The following PPP1R37 variants were observed in gnomAD, a reference collection of about 807,000 sequenced individuals.
PPP1R37 encodes leucine rich repeat containing 68.
Under a neutral mutation model 61.0 loss-of-function variants are expected in PPP1R37, and 21 were observed. The ratio of observed to expected loss-of-function variants is 0.34; its 90% CI spans 0.24 to 0.50. PPP1R37 has a LOEUF of 0.50. Ranked by LOEUF, PPP1R37 falls within the 20% of genes least tolerant of loss-of-function variation. The pLI is 0.98. For missense variants in PPP1R37, 910 were observed against 952.7 expected (o/e 0.96, Z 0.59); for synonymous variants, 443 against 433.5 (o/e 1.02, Z -0.27).
At chr19:45,095,726 G>A (rs961963289) in intron 1 of PPP1R37, among the ~76,000 whole-genome samples, 3 of 146,790 alleles carry the variant, frequency 2.0e-5, no homozygotes, top group South Asian at 4.3e-4. Context: ...TTGCGCCACT[G>A]AACTCCAGCT....
intron 1 of PPP1R37, among the ~76,000 whole-genome samples, chr19:45,117,474 G>C (rs1024623004): frequency 3.3e-5 from 5 of 152,180 alleles, no homozygotes; most frequent in Non-Finnish European, 7.3e-5. Context: ...CCGAGTGAAA[G>C]CCTGTGGCAG....
chr19:45,101,939 C>T (rs1405217385), intron 1 of PPP1R37, among the ~76,000 whole-genome samples: 2 of 152,234 alleles, frequency 1.3e-5, no homozygotes, highest in Admixed American at 1.3e-4. Context: ...AGCAGGTTTG[C>T]CGATGCCACT....
rs750883350 is a variant in PPP1R37 at position 45,138,620 on chromosome 19, G to A, written c.300+9G>A. 8.6e-5 allele frequency: 125 copies of A among 1,448,912 alleles called. 1 individual carries two copies. Among genetic ancestry groups the A allele is most frequent in the Non-Finnish European group, 1.0e-4 (107 of 1,068,074 alleles). The allele number at this position is 1,448,912 out of a possible 1,614,324, so 89.8% of individuals were successfully genotyped here. On this transcript the variant is annotated intron_variant, in intron 2 of 12. Coordinates refer to ENST00000221462, the MANE Select transcript of PPP1R37 (RefSeq NM_019121.2). The stretch of plus-strand genomic sequence containing the variant: ...TCCTCAGGCAGCTGCAGGTATGGGC[G>A]GGACAGGGTGGGTGCGTCCGGTGTG...
intron 1 of PPP1R37, among the ~76,000 whole-genome samples, chr19:45,114,770 ACCC>A (rs68097043): frequency 4.4e-4 from 64 of 144,864 alleles, no homozygotes; most frequent in Non-Finnish European, 8.5e-4. Context: ...AACAAGTGAG[ACCC>A]CCCCCCCCAT....
chr19:45,146,637 C>T lies in PPP1R37; in HGVS notation c.*75C>T. 1 of 604,992 alleles carries T rather than the reference C, an allele frequency of 1.7e-6. No individual in the cohort carries two copies. Among genetic ancestry groups the T allele is most frequent in the Non-Finnish European group, 2.9e-6 (1 of 348,608 alleles). The allele number at this position is 604,992 out of a possible 1,614,324, so 37.5% of individuals were successfully genotyped here. A position where few individuals can be genotyped will look rare whatever the true frequency, so the allele number is the denominator to read the frequency against. On this transcript the variant is annotated 3_prime_UTR_variant, in exon 13 of 13. Coordinates refer to ENST00000221462, the MANE Select transcript of PPP1R37 (RefSeq NM_019121.2). ...CCATGAGAATCTGCTCACCTTCCCC[C>T]CAGCCTTCCTGAGGCCCAGGATGCC...
chr19:45,137,818 A>C (rs1288742251), intron 1 of PPP1R37, among the ~76,000 whole-genome samples: 2 of 150,010 alleles, frequency 1.3e-5, no homozygotes, highest in Non-Finnish European at 2.9e-5. Context: ...TCTTTCACCC[A>C]AAAATACAAA....
At chr19:45,104,960 C>T (rs1479400188) in intron 1 of PPP1R37, among the ~76,000 whole-genome samples, 1 of 152,244 alleles carries the variant, frequency 6.6e-6, no homozygotes, top group Admixed American at 6.5e-5. Context: ...GGCTCCCCGT[C>T]AGGTGGCCAG....
At chr19:45,141,218 G>C in intron 4 of PPP1R37, 104 bp from the exon 5 acceptor site, 1 of 1,338,560 alleles carries the variant, frequency 7.5e-7, no homozygotes, top group Non-Finnish European at 9.9e-7. Flanking sequence ...GCTCTCTCCA[G>C]ACCCTGGACC....
intron 1 of PPP1R37, among the ~76,000 whole-genome samples, chr19:45,116,612 G>A (rs1205985612): frequency 6.6e-6 from 1 of 152,210 alleles, no homozygotes; most frequent in African/African-American, 2.4e-5. Context: ...AGGACGCATT[G>A]CGGGCTCCCT....
At chr19:45,107,489 AG>A (rs1371669554) in intron 1 of PPP1R37, among the ~76,000 whole-genome samples, 1 of 152,186 alleles carries the variant, frequency 6.6e-6, no homozygotes, top group African/African-American at 2.4e-5. Flanking sequence ...CTGTAGTCCC[AG>A]CTACCTGGGA....
intron 7 of PPP1R37, 130 bp downstream of exon 7, chr19:45,142,588 G>A: frequency 1.0e-6 from 1 of 975,580 alleles, no homozygotes; most frequent in Admixed American, 2.4e-5. Flanking sequence ...GGGCTCCCAG[G>A]AGGAAGACAG....
At chr19:45,117,587 A>T (rs1599698154) in intron 1 of PPP1R37, among the ~76,000 whole-genome samples, 1 of 151,846 alleles carries the variant, frequency 6.6e-6, no homozygotes, top group Non-Finnish European at 1.5e-5. Context: ...CTACGGTGGG[A>T]GGTGATCTCA....
chr19:45,144,503 C>T (rs867337281), intron 8 of PPP1R37: 2 of 281,738 alleles, frequency 7.1e-6, no homozygotes, highest in African/African-American at 2.2e-5. Context: ...ACTCTCAGGG[C>T]GAGCACTCGT....
chr19:45,093,188 G>T lies in PPP1R37; in HGVS notation c.-138G>T, dbSNP rs1274300879. ...TTGGGCTCCCGGCGGCGACGACTACGACCACTAGGAGAGCGGACGGAGGCG... is the reference window on the plus strand; with the variant it reads ...TTGGGCTCCCGGCGGCGACGACTACTACCACTAGGAGAGCGGACGGAGGCG... On this transcript the variant is annotated 5_prime_UTR_variant, in exon 1 of 13. Coordinates refer to ENST00000221462, the MANE Select transcript of PPP1R37 (RefSeq NM_019121.2). 5.9e-6 allele frequency: 4 copies of T among 682,232 alleles called. No individual in the cohort carries two copies. The highest frequency in any genetic ancestry group is 3.8e-5 in the African/African-American group (2 of 53,100). 42.3% of individuals were successfully genotyped at this position (682,232 alleles called of 1,614,324 possible). A position where few individuals can be genotyped will look rare whatever the true frequency, so the allele number is the denominator to read the frequency against.
intron 1 of PPP1R37, among the ~76,000 whole-genome samples, chr19:45,110,308 G>C (rs1324402485): frequency 6.6e-6 from 1 of 151,796 alleles, no homozygotes; most frequent in Admixed American, 6.6e-5. Context: ...TAGAGACGGG[G>C]TTTCCCTGTG....
chr19:45,117,317 G>A (rs904907035), intron 1 of PPP1R37, among the ~76,000 whole-genome samples: 2 of 152,162 alleles, frequency 1.3e-5, no homozygotes, highest in African/African-American at 4.8e-5. Flanking sequence ...TTGCAGACCC[G>A]GAGGCGGGAA....
At chr19:45,104,397 G>A (rs1054068699) in intron 1 of PPP1R37, among the ~76,000 whole-genome samples, 1 of 152,182 alleles carries the variant, frequency 6.6e-6, no homozygotes, top group Non-Finnish European at 1.5e-5. Context: ...GCCGGGTGCC[G>A]CAAAGCCTTT....
intron 4 of PPP1R37, 74 bp downstream of exon 4, chr19:45,140,680 C>T (rs1310927296): frequency 1.3e-5 from 15 of 1,157,346 alleles, no homozygotes; most frequent in African/African-American, 3.1e-5. Flanking sequence ...GGGGAGAGGA[C>T]ACTGCAGGAG....
chr19:45,098,742 G>A (rs1289431967), intron 1 of PPP1R37, among the ~76,000 whole-genome samples: 1 of 152,190 alleles, frequency 6.6e-6, no homozygotes, highest in Non-Finnish European at 1.5e-5. Flanking sequence ...AAGCAGGCTG[G>A]ACAGGTAGAC....
Sources: gnomAD v4.1 joint callset for allele counts (sites outside exome capture counted in the v4.1 genomes callset) on GRCh38, gnomAD v4.1.1 for gene constraint, MANE v1.5 for transcripts, NCBI Gene and HGNC (gene_info 2026-07-23, HGNC 2026-07-21) for gene names.